The following TYR variants were observed in gnomAD, a reference collection of about 807,000 sequenced individuals.
TYR encodes the protein tyrosinase.
TYR carries 58 observed loss-of-function variants against 51.5 expected under a neutral mutation model. The ratio of observed to expected loss-of-function variants is 1.13; its 90% CI spans 0.91 to 1.40. The LOEUF (loss-of-function observed/expected upper bound fraction) is 1.40. Ranked by LOEUF, TYR falls within the 40% of genes most tolerant of loss-of-function variation. The pLI is 0.00. For synonymous variants in TYR, 263 were observed against 235.2 expected, an observed-to-expected ratio of 1.12 and a Z score of -1.08; for missense variants, 732 against 647.4, an observed-to-expected ratio of 1.13 and a Z score of -1.42.
At chr11:89,186,679 G>A (rs1271726912) in intron 1 of TYR, among the ~76,000 whole-genome samples, 2 of 152,162 alleles carry the variant, frequency 1.3e-5, no homozygotes, top group Non-Finnish European at 2.9e-5. Flanking sequence ...ACGGTGCACA[G>A]GTGATTACAT....
At chr11:89,251,434 A>G (rs559252851) in intron 3 of TYR, among the ~76,000 whole-genome samples, 2 of 152,026 alleles carry the variant, frequency 1.3e-5, no homozygotes, top group South Asian at 4.1e-4. Context: ...TTTTTATCCT[A>G]AAGTAAAGCA....
chr11:89,192,757 C>T (rs1199306809), intron 2 of TYR, among the ~76,000 whole-genome samples: 1 of 152,136 alleles, frequency 6.6e-6, no homozygotes, highest in African/African-American at 2.4e-5. Context: ...GTATCCAAAA[C>T]ACCATGTCAA....
At chr11:89,228,243 A>G (rs1231375245) in intron 3 of TYR, among the ~76,000 whole-genome samples, 1 of 152,186 alleles carries the variant, frequency 6.6e-6, no homozygotes, top group Non-Finnish European at 1.5e-5. Flanking sequence ...TTGAAATCCA[A>G]GACTCCACTA....
intron 1 of TYR, among the ~76,000 whole-genome samples, chr11:89,187,276 T>C (rs973164589): frequency 8.6e-5 from 13 of 152,026 alleles, no homozygotes; most frequent in Non-Finnish European, 1.2e-4. Flanking sequence ...ACCACAATAT[T>C]TACAGGTAAG....
intron 1 of TYR, among the ~76,000 whole-genome samples, chr11:89,179,608 A>G (rs962162948): frequency 6.6e-6 from 1 of 152,270 alleles, no homozygotes; most frequent in Non-Finnish European, 1.5e-5. Flanking sequence ...ACTGTATCCT[A>G]TTTCCAAGGA....
chr11:89,236,890 T>C (rs1178115334), intron 3 of TYR, among the ~76,000 whole-genome samples: 1 of 152,168 alleles, frequency 6.6e-6, no homozygotes, highest in Non-Finnish European at 1.5e-5. Context: ...GCCCAGGTCA[T>C]GTCTGTCTAT....
chr11:89,184,973 C>T (rs1943350877), intron 1 of TYR, among the ~76,000 whole-genome samples: 1 of 152,158 alleles, frequency 6.6e-6, no homozygotes, highest in Admixed American at 6.5e-5. Flanking sequence ...TTTGTTTATA[C>T]ATGCTTATAG....
chr11:89,223,930 T>C (rs746964236), intron 2 of TYR, among the ~76,000 whole-genome samples: 3 of 149,364 alleles, frequency 2.0e-5, no homozygotes, highest in Non-Finnish European at 4.4e-5. Flanking sequence ...TTCTTAATAA[T>C]ATTAGGGGCT....
At chr11:89,247,303 T>C (rs1189862016) in intron 3 of TYR, among the ~76,000 whole-genome samples, 4 of 152,150 alleles carry the variant, frequency 2.6e-5, no homozygotes, top group Non-Finnish European at 5.9e-5. Flanking sequence ...ATAGGAGACA[T>C]TCATTACATA....
intron 2 of TYR, among the ~76,000 whole-genome samples, chr11:89,203,269 A>G (rs1288754554): frequency 6.6e-6 from 1 of 152,150 alleles, no homozygotes; most frequent in Admixed American, 6.5e-5. Context: ...TACTATTCCA[A>G]ATTCATCTGA....
At chr11:89,271,705 G>A (rs1210368248) in intron 3 of TYR, among the ~76,000 whole-genome samples, 4 of 151,892 alleles carry the variant, frequency 2.6e-5, no homozygotes, top group African/African-American at 9.7e-5. Flanking sequence ...AGCATGTGAT[G>A]CTGTTTGATA....
intron 3 of TYR, among the ~76,000 whole-genome samples, chr11:89,237,031 G>C (rs1306419924): frequency 6.6e-6 from 1 of 152,000 alleles, no homozygotes; most frequent in Non-Finnish European, 1.5e-5. Context: ...TACACGTCAG[G>C]GCTTTTATTC....
intron 2 of TYR, among the ~76,000 whole-genome samples, chr11:89,208,336 AATAG>A (rs775312179): frequency 2.0e-5 from 3 of 152,316 alleles, no homozygotes; most frequent in East Asian, 1.9e-4. Flanking sequence ...TTTACATTTA[AATAG>A]ATAGATGAGA....
Position 89,207,461 on chromosome 11 carries a change from A to G in TYR, c.1036+16043A>G, listed in dbSNP as rs1415630701. On this transcript the variant is annotated intron_variant, in intron 2 of 4. Coordinates refer to ENST00000263321, the MANE Select transcript of TYR (RefSeq NM_000372.5). ...GAATAGCCCTATAAATGTAAAGGAA[A>G]TTGAATTGGTAATTTTAAAACTACC... 1.3e-5 allele frequency among the ~76,000 whole-genome samples: 2 copies of G among 152,176 alleles called. 1 individual carries two copies. The highest frequency in any genetic ancestry group is 2.9e-5 in the Non-Finnish European group (2 of 68,022).
intron 3 of TYR, among the ~76,000 whole-genome samples, chr11:89,252,152 T>C (rs1944338337): frequency 6.6e-6 from 1 of 151,876 alleles, no homozygotes; most frequent in Admixed American, 6.6e-5. Context: ...AGTTGATATA[T>C]GGCTTTCTGT....
chr11:89,234,826 C>T (rs1013689950), intron 3 of TYR, among the ~76,000 whole-genome samples: 3 of 151,962 alleles, frequency 2.0e-5, no homozygotes, highest in African/African-American at 7.2e-5. Context: ...ATAACATATA[C>T]AATAATAATT....
chr11:89,270,288 C>A (rs1944573264), intron 3 of TYR, among the ~76,000 whole-genome samples: 1 of 151,768 alleles, frequency 6.6e-6, no homozygotes, highest in African/African-American at 2.4e-5. Flanking sequence ...CTCTGCTATT[C>A]ATTTTTTAAA....
Position 89,178,733 on chromosome 11 carries a change from T to C in TYR, c.780T>C (p.Pro260=), listed in dbSNP as rs1943262738. ...TGGGAGGTCAGCACCCCACAAATCC[T>C]AACTTACTCAGCCCAGCATCATTCT... ...EYMGGQHPTN[P]NLLSPASFFS... Residue 260 remains proline (P), a synonymous_variant, in exon 1 of 5, where the codon CCT becomes CCC. Coordinates refer to ENST00000263321, the MANE Select transcript of TYR (RefSeq NM_000372.5). 6.2e-7 allele frequency: 1 copy of C among 1,614,146 alleles called. No homozygotes were observed. The highest frequency in any genetic ancestry group is 8.5e-7 in the Non-Finnish European group (1 of 1,180,016).
chr11:89,218,129 CT>C (rs1411299363), intron 2 of TYR, among the ~76,000 whole-genome samples: 1 of 151,964 alleles, frequency 6.6e-6, no homozygotes, highest in Non-Finnish European at 1.5e-5. Flanking sequence ...TGAGAGAGGC[CT>C]ATAACATAAA....
Sources: allele counts gnomAD v4.1 joint callset (sites outside exome capture counted in the v4.1 genomes callset), GRCh38; gene constraint gnomAD v4.1.1; transcripts MANE v1.5; gene names NCBI Gene and HGNC (gene_info 2026-07-23, HGNC 2026-07-21).